DOCK9: variants seen among roughly 807,000 people sequenced by gnomAD.
The protein encoded by DOCK9 is dedicator of cytokinesis protein 9.
Under a neutral mutation model 263.3 loss-of-function variants are expected in DOCK9, and 89 were observed. The observed-to-expected ratio is 0.34, with a 90% CI of 0.28 to 0.40. The LOEUF is 0.40. Ranked by LOEUF, DOCK9 falls within the 10% of genes least tolerant of loss-of-function variation. The probability of loss-of-function intolerance (pLI) is 1.00; values close to 1 mark genes in which losing one functional copy is unlikely to be tolerated. For missense variants in DOCK9, 2,140 were observed against 2,603.4 expected (o/e 0.82, Z 3.87); for synonymous variants, 976 against 973.1 (o/e 1.00, Z -0.06).
intron 1 of DOCK9, among the ~76,000 whole-genome samples, chr13:98,987,233 C>T (rs1878684083): frequency 1.3e-5 from 2 of 152,130 alleles, no homozygotes; most frequent in South Asian, 4.2e-4. Context: ...ACAATGTAAA[C>T]ACGTATCAAA....
rs746189306 is a variant in DOCK9, at chr13:98,923,375, T to TA, written c.417-5dup. 6 of 1,613,522 alleles carry TA rather than the reference T, an allele frequency of 3.7e-6. No individual in the cohort carries two copies. The highest frequency in any genetic ancestry group is 4.2e-6 in the Non-Finnish European group (5 of 1,179,522). On this transcript the variant is annotated splice_polypyrimidine_tract_variant and splice_region_variant and intron_variant, in intron 4 of 52. Transcript: ENST00000682017. ...TTTATCCAACTTGACCACTTTGCTA[T>TA]AAAAACAACAAAGAAAATTTGTTTT...
rs563619102 is a variant in DOCK9 at position 99,034,252 on chromosome 13, T to G, written c.129+51971A>C. 5.3e-5 allele frequency among the ~76,000 whole-genome samples: 8 copies of G among 152,224 alleles called. No individual in the cohort carries two copies. The South Asian group carries it at 1.7e-3, about 32-fold the overall frequency. ...CTCATTTCCCCAGTTTCCCCCAACA[T>G]AAGTACAGAGTCGGCAAAGCAGGTC... On this transcript the variant is annotated intron_variant, in intron 1 of 32. Coordinates refer to the DOCK9 transcript ENST00000427887.
At chr13:98,979,242 G>GGCGGCGGCGGCA (rs55651915), upstream of DOCK9, among the ~76,000 whole-genome samples, 3,286 of 136,160 alleles carry the variant, frequency 0.024, 60 homozygotes, top group South Asian at 0.059. Context: ...CAGCAGCGGC[G>GGCGGCGGCGGCA]GCAGCAGCAG....
chr13:98,930,800 AC>A (rs1279463403), intron 2 of DOCK9, among the ~76,000 whole-genome samples: 1 of 151,914 alleles, frequency 6.6e-6, no homozygotes, highest in Non-Finnish European at 1.5e-5. Context: ...ATGCGCCACC[AC>A]GCTCGGTTAA....
chr13:99,054,315 C>T (rs563633243), intron 1 of DOCK9, among the ~76,000 whole-genome samples: 1 of 152,228 alleles, frequency 6.6e-6, no homozygotes, highest in East Asian at 1.9e-4. Context: ...TGTGGCCTCG[C>T]CAAAAATTTG....
At chr13:99,044,544 T>C (rs1362947462) in intron 1 of DOCK9, among the ~76,000 whole-genome samples, 3 of 152,200 alleles carry the variant, frequency 2.0e-5, no homozygotes, top group Non-Finnish European at 2.9e-5. Context: ...CAGACTATTA[T>C]GTATGAATAC....
chr13:99,064,234 C>A (rs771910572), intron 1 of DOCK9, among the ~76,000 whole-genome samples: 4 of 152,086 alleles, frequency 2.6e-5, no homozygotes, highest in Non-Finnish European at 5.9e-5. Context: ...GGGATGGCCA[C>A]AATAGGAAGC....
At chr13:98,869,813 C>T (rs2094141157) in intron 27 of DOCK9, among the ~76,000 whole-genome samples, 1 of 152,262 alleles carries the variant, frequency 6.6e-6, no homozygotes, top group Non-Finnish European at 1.5e-5. Flanking sequence ...TTGTTTAGGC[C>T]ATGCTCCTAA....
intron 23 of DOCK9, 75 bp from the exon 24 acceptor site, chr13:98,882,082 A>ATCCTTGTTTGG: frequency 8.1e-7 from 1 of 1,229,984 alleles, no homozygotes. Context: ...CCACTCTTCC[A>ATCCTTGTTTGG]AACAAGGATG....
rs1235475700 is a variant in DOCK9 at position 98,999,433 on chromosome 13, A to T, written c.130-43882T>A. On this transcript the variant is annotated intron_variant, in intron 1 of 32. Transcript: ENST00000427887. ...GGCTTTTAAAATCTCATTTCCTAATAGAAGGATTTCTTGAATGATGATTTC... is the reference window on the plus strand; with the variant it reads ...GGCTTTTAAAATCTCATTTCCTAATTGAAGGATTTCTTGAATGATGATTTC... 2.0e-5 allele frequency among the ~76,000 whole-genome samples: 3 copies of T among 152,182 alleles called. No individual in the cohort carries two copies. The East Asian group carries it at 5.8e-4, about 29-fold the overall frequency.
At chr13:98,850,208 G>C in intron 35 of DOCK9, 95 bp from the exon 36 acceptor site, 1 of 906,926 alleles carries the variant, frequency 1.1e-6, no homozygotes, top group Non-Finnish European at 1.6e-6. Context: ...TTGGAGTGTA[G>C]GCCTCTAAAC....
chr13:98,940,477 C>T (rs1206229116), intron 2 of DOCK9, among the ~76,000 whole-genome samples: 1 of 152,124 alleles, frequency 6.6e-6, no homozygotes, highest in Non-Finnish European at 1.5e-5. Context: ...TGGCTCACTG[C>T]AGCCTTGACC....
chr13:99,009,179 AG>A (rs1884029061), intron 1 of DOCK9, among the ~76,000 whole-genome samples: 1 of 152,240 alleles, frequency 6.6e-6, no homozygotes, highest in African/African-American at 2.4e-5. Flanking sequence ...TTCTGGGGAA[AG>A]GTCTGGCCCT....
At chr13:99,043,140 G>A (rs768278142) in intron 1 of DOCK9, among the ~76,000 whole-genome samples, 2 of 152,088 alleles carry the variant, frequency 1.3e-5, no homozygotes, top group African/African-American at 2.4e-5. Flanking sequence ...CTGTCCCACC[G>A]CCATCCAATA....
intron 43 of DOCK9, among the ~76,000 whole-genome samples, chr13:98,828,222 G>A (rs1273894697): frequency 6.6e-6 from 1 of 152,210 alleles, no homozygotes; most frequent in Non-Finnish European, 1.5e-5. Context: ...TCTGCCTCCA[G>A]AACTGTGAGA....
rs2092680520 is a variant in DOCK9, at chr13:98,829,586, A to G, written c.4749+57T>C. 9 of 1,585,218 alleles carry G rather than the reference A, an allele frequency of 5.7e-6. No homozygotes were observed. The South Asian group carries it at 1.0e-4, about 18-fold the overall frequency. On this transcript the variant is annotated intron_variant, in intron 42 of 52. Transcript: ENST00000682017. This position sits in a 1 kb window ranked among gnomAD's most constrained non-coding sequence, Gnocchi z 4.1. Reference sequence around the variant, plus strand: ...CTCTGTTTGCTGCCTGTCCACAAGCACCTCAGGTGCTGATGCAGAGTCTCA... The same window carrying G: ...CTCTGTTTGCTGCCTGTCCACAAGCGCCTCAGGTGCTGATGCAGAGTCTCA...
Position 98,863,072 on chromosome 13 carries a change from C to T in DOCK9, c.3526G>A (p.Val1176Ile), listed in dbSNP as rs1471236386. ...ACATCCCTCACATTGATCCGCTGGA[C>T]GTTTTCAATCAGCAGACCAAACAGA... Reference protein sequence around the residue: ...LPLFGLLIENVQRINVRDVSP... With the variant: ...LPLFGLLIENIQRINVRDVSP... The change falls in exon 32 of 53, where the codon GTC (valine) becomes ATC (isoleucine). Residue 1176 changes from valine to isoleucine, a missense_variant. By Grantham distance (29) the Val-to-Ile change is conservative. This residue lies in a region of DOCK9 where 1,521 missense variants were observed against 1,741.7 expected (regional missense o/e 0.87). Transcript: ENST00000682017. The T allele has an allele frequency of 8.1e-6, 13 of 1,611,730 alleles. No individual in the cohort carries two copies. The highest frequency in any genetic ancestry group is 5.3e-5 in the African/African-American group (4 of 74,880).
chr13:98,800,237 C>T (rs1453024831), intron 50 of DOCK9, 51 bp downstream of exon 50: 2 of 1,515,002 alleles, frequency 1.3e-6, no homozygotes, highest in African/African-American at 2.8e-5. Flanking sequence ...TCAAGTCACC[C>T]AGGGGCAAGG....
In DOCK9 at chr13:98,947,633, G is replaced by C. The variant is rs569567045; in HGVS notation, c.243+7802C>G. Among the ~76,000 whole-genome samples the C allele has an allele frequency of 2.0e-5, 3 of 150,326 alleles. 1 individual carries two copies. The South Asian group carries it at 6.3e-4, about 32-fold the overall frequency. The stretch of plus-strand genomic sequence containing the variant: ...CAAGTGTCCTGCCTCATCCTCCCAA[G>C]TAGCTGGGATTACAGGCGCCCGCCA... On this transcript the variant is annotated intron_variant, in intron 2 of 52. Transcript: ENST00000682017.
Sources: allele counts gnomAD v4.1 joint callset (sites outside exome capture counted in the v4.1 genomes callset), GRCh38; gene constraint gnomAD v4.1.1; regional missense constraint gnomAD v4.1.1; non-coding constraint Gnocchi (gnomAD v3.1); transcripts MANE v1.5; gene names NCBI Gene and HGNC (gene_info 2026-07-23, HGNC 2026-07-21).